Variants in AQP7B observed in about 807,000 individuals in gnomAD.
AQP7B encodes putative aquaporin-7B.
At chr2:94,594,683 C>T in the AQP7B span, 120 of 1,158,576 alleles carry the variant, frequency 1.0e-4, no homozygotes, top group Non-Finnish European at 1.3e-4. Flanking sequence ...GTTGAAGAGC[C>T]GATGGGCAGC....
the AQP7B span, among the ~76,000 whole-genome samples, chr2:94,591,621 G>A: frequency 6.6e-6 from 1 of 152,228 alleles, no homozygotes. Context: ...TGTGGGCCAT[G>A]AGGCCTTCTG....
At chr2:94,603,073 G>C in the AQP7B span, 2 of 1,595,328 alleles carry the variant, frequency 1.3e-6, no homozygotes, top group African/African-American at 2.7e-5. Context: ...TTCACTAACT[G>C]TGCGCTGGGC....
At chr2:94,595,801 C>A in the AQP7B span, among the ~76,000 whole-genome samples, 1 of 152,056 alleles carries the variant, frequency 6.6e-6, no homozygotes, top group African/African-American at 2.4e-5. Flanking sequence ...AGCACGGGGC[C>A]CAGCACAGGG....
the AQP7B span, chr2:94,604,226 G>T: frequency 1.4e-6 from 2 of 1,478,760 alleles, no homozygotes; most frequent in Non-Finnish European, 1.8e-6. Flanking sequence ...TTCGCCCAAG[G>T]TGGATGAGGG....
At chr2:94,597,422 C>G in the AQP7B span, among the ~76,000 whole-genome samples, 1 of 152,110 alleles carries the variant, frequency 6.6e-6, no homozygotes, top group Non-Finnish European at 1.5e-5. Context: ...GCATCCCGGG[C>G]TCTGTGATGC....
chr2:94,588,983 CTT>C, the AQP7B span, among the ~76,000 whole-genome samples: 820 of 135,348 alleles, frequency 6.1e-3, 7 homozygotes, highest in African/African-American at 0.021. Context: ...GTTTTTTTTT[CTT>C]TTTTTTTTTT....
chr2:94,603,208 T>A, the AQP7B span: 1 of 1,453,454 alleles, frequency 6.9e-7, no homozygotes, highest in Non-Finnish European at 9.5e-7. Context: ...ACCTCTGGCC[T>A]CAGCCGCCTC....
chr2:94,593,480 CTTTTT>C, the AQP7B span, among the ~76,000 whole-genome samples: 2 of 113,956 alleles, frequency 1.8e-5, no homozygotes, highest in South Asian at 2.9e-4. Context: ...TCCTCTTCCT[CTTTTT>C]TTTTTTTTTT....
At chr2:94,591,711 A>G in the AQP7B span, among the ~76,000 whole-genome samples, 2 of 152,194 alleles carry the variant, frequency 1.3e-5, no homozygotes, top group African/African-American at 4.8e-5. Flanking sequence ...CACATTGGAT[A>G]CTGCCTTAGT....
chr2:94,589,499 C>A, the AQP7B span, among the ~76,000 whole-genome samples: 2 of 152,158 alleles, frequency 1.3e-5, no homozygotes, highest in African/African-American at 4.8e-5. Flanking sequence ...CCAGCCCCTG[C>A]ACTCCCAATT....
At chr2:94,596,435 G>A in the AQP7B span, among the ~76,000 whole-genome samples, 1 of 152,230 alleles carries the variant, frequency 6.6e-6, no homozygotes, top group East Asian at 1.9e-4. Flanking sequence ...GCTAGAGGAA[G>A]GTGGGGTGAC....
At chr2:94,602,756 C>T in the AQP7B span, 1 of 936,152 alleles carries the variant, frequency 1.1e-6, no homozygotes, top group East Asian at 2.7e-5. Flanking sequence ...CTCCTCTGAA[C>T]CCCGTGCCTA....
chr2:94,601,314 A>G, the AQP7B span, among the ~76,000 whole-genome samples: 1 of 152,230 alleles, frequency 6.6e-6, no homozygotes, highest in Non-Finnish European at 1.5e-5. Context: ...GATGGGGAAC[A>G]TAGAGTGAGG....
the AQP7B span, among the ~76,000 whole-genome samples, chr2:94,590,664 C>T: frequency 3.0e-3 from 458 of 151,988 alleles, 2 homozygotes; most frequent in African/African-American, 9.8e-3. Context: ...AGTAAGCCAC[C>T]GGGCATGGTG....
the AQP7B span, among the ~76,000 whole-genome samples, chr2:94,594,019 A>T: frequency 6.6e-6 from 1 of 152,192 alleles, no homozygotes; most frequent in African/African-American, 2.4e-5. Context: ...ACAAATATTT[A>T]TTCACATCTA....
chr2:94,592,272 C>T, the AQP7B span, among the ~76,000 whole-genome samples: 2 of 152,172 alleles, frequency 1.3e-5, no homozygotes, highest in African/African-American at 2.4e-5. Flanking sequence ...ATTCCCCTGA[C>T]CTCGCAGCAG....
At chr2:94,594,472 C>T in the AQP7B span, among the ~76,000 whole-genome samples, 2 of 152,182 alleles carry the variant, frequency 1.3e-5, no homozygotes, top group South Asian at 2.1e-4. Flanking sequence ...CCCACTTGCC[C>T]GTCTGCAAAG....
chr2:94,598,294 C>T, the AQP7B span, among the ~76,000 whole-genome samples: 6 of 151,982 alleles, frequency 3.9e-5, no homozygotes, highest in Non-Finnish European at 8.8e-5. Flanking sequence ...TGACCTTGGC[C>T]CCATTTATTG....
the AQP7B span, among the ~76,000 whole-genome samples, chr2:94,591,996 C>T: frequency 2.6e-5 from 4 of 152,212 alleles, no homozygotes; most frequent in East Asian, 1.9e-4. Flanking sequence ...AGTGACTGAA[C>T]ATTCTAGGCA....
Sources: gnomAD v4.1 joint callset for allele counts (sites outside exome capture counted in the v4.1 genomes callset) on GRCh38, gnomAD v4.1.1 for gene constraint, MANE v1.5 for transcripts, NCBI Gene and HGNC (gene_info 2026-07-23, HGNC 2026-07-21) for gene names.